Variants in LPP observed in about 807,000 individuals in gnomAD.
LPP encodes the protein lipoma-preferred partner.
In LPP, 38 loss-of-function variants were observed where a neutral mutation model predicts 60.4. The ratio of observed to expected loss-of-function variants is 0.63; its 90% CI spans 0.49 to 0.83. The LOEUF is 0.83. Among genes scored for constraint, LPP ranks in the 40% least tolerant of loss-of-function variants. LPP has a pLI of 0.00. For missense variants in LPP, 902 were observed against 783.6 expected (o/e 1.15, Z -1.80); for synonymous variants, 328 against 290.8 (o/e 1.13, Z -1.30).
chr3:188,158,748 A>C (rs1717284844), intron 1 of LPP, among the ~76,000 whole-genome samples: 1 of 152,216 alleles, frequency 6.6e-6, no homozygotes, highest in Non-Finnish European at 1.5e-5. Flanking sequence ...TTACACAACT[A>C]CCAGGAGGCA....
intron 1 of LPP, among the ~76,000 whole-genome samples, chr3:188,171,888 C>T (rs760597476): frequency 6.6e-6 from 1 of 152,174 alleles, no homozygotes; most frequent in East Asian, 1.9e-4. Flanking sequence ...ACTCTCTACC[C>T]GAACTGACAC....
At chr3:188,416,690 A>G in intron 4 of LPP, among the ~76,000 whole-genome samples, 1 of 152,156 alleles carries the variant, frequency 6.6e-6, no homozygotes, top group East Asian at 1.9e-4. Context: ...ATAGACACCA[A>G]TCGTTTGCAT....
chr3:188,170,329 C>CTTTTTTTTTTTTTTTT (rs34760455), intron 1 of LPP, among the ~76,000 whole-genome samples: 2 of 96,444 alleles, frequency 2.1e-5, no homozygotes, highest in African/African-American at 4.1e-5. Context: ...CTTTTCTTTT[C>CTTTTTTTTTTTTTTTT]TTTTTTTTTT....
intron 4 of LPP, among the ~76,000 whole-genome samples, chr3:188,423,501 G>C (rs1034640719): frequency 1.3e-5 from 2 of 152,126 alleles, no homozygotes; most frequent in African/African-American, 2.4e-5. Context: ...TCTTGTTCTA[G>C]ATCCTTGAGG....
In LPP at chr3:188,285,239, A is replaced by C. The variant is rs144618367; in HGVS notation, c.-66-56424A>C. On this transcript the variant is annotated intron_variant, in intron 2 of 11. Coordinates refer to ENST00000617246, the MANE Select transcript of LPP (RefSeq NM_001375462.1). ...TTGTTGGTCGTAGGATAATAAAGAT[A>C]AAGGGGTATACAGACTTGGATTCTG... Among the ~76,000 whole-genome samples the C allele has an allele frequency of 4.5e-3, 687 of 152,290 alleles. 7 individuals carry two copies. The highest frequency in any genetic ancestry group is 0.015 in the African/African-American group (641 of 41,572).
At chr3:188,826,958 T>C (rs1448480467) in intron 9 of LPP, among the ~76,000 whole-genome samples, 1 of 152,154 alleles carries the variant, frequency 6.6e-6, no homozygotes, top group East Asian at 1.9e-4. Flanking sequence ...CCTCCCACAC[T>C]GTACTGTTAA....
chr3:188,816,861 C>T (rs1001879544), intron 9 of LPP, among the ~76,000 whole-genome samples: 3 of 152,230 alleles, frequency 2.0e-5, no homozygotes, highest in East Asian at 1.9e-4. Context: ...TGCTAAGCAC[C>T]GAATAGGAAT....
At chr3:188,356,256 G>A (rs958677423) in intron 3 of LPP, among the ~76,000 whole-genome samples, 2 of 152,148 alleles carry the variant, frequency 1.3e-5, no homozygotes, top group African/African-American at 2.4e-5. Context: ...TATTATATAT[G>A]TGGAAAAGGG....
chr3:188,237,635 T>A (rs1287844725), intron 2 of LPP, among the ~76,000 whole-genome samples: 1 of 152,150 alleles, frequency 6.6e-6, no homozygotes, highest in African/African-American at 2.4e-5. Flanking sequence ...TGTGACCAGG[T>A]ATGAGAAGAA....
intron 5 of LPP, among the ~76,000 whole-genome samples, chr3:188,500,496 AT>A (rs1811512797): frequency 6.6e-6 from 1 of 152,046 alleles, no homozygotes; most frequent in Non-Finnish European, 1.5e-5. Context: ...TTGATTGAGG[AT>A]TTTGCATCAA....
chr3:188,804,806 C>A (rs908297947), intron 9 of LPP, among the ~76,000 whole-genome samples: 3 of 151,942 alleles, frequency 2.0e-5, no homozygotes, highest in Non-Finnish European at 4.4e-5. Context: ...AGTCTTTTGC[C>A]ATTAAGTGTA....
intron 9 of LPP, among the ~76,000 whole-genome samples, chr3:188,820,188 G>A (rs895527562): frequency 5.3e-5 from 8 of 152,030 alleles, no homozygotes; most frequent in African/African-American, 1.9e-4. Context: ...TTGCTTATGT[G>A]CTAAAAGTCA....
rs758492053 is a variant in LPP at position 188,708,374 on chromosome 3, A to T, written c.1221A>T (p.Pro407=). ...AGATGCTGTATGACATGGAAAATCCACCTGCTGACGAATACTTTGGTGAGT... is the reference window on the plus strand; with the variant it reads ...AGATGCTGTATGACATGGAAAATCCTCCTGCTGACGAATACTTTGGTGAGT... ...TKKMLYDMEN[P]PADEYFGRCA... The change falls in exon 8 of 12, where the codon CCA becomes CCT. Residue 407 remains proline, a synonymous_variant. Transcript: ENST00000617246. 3 of 1,614,092 alleles carry T rather than the reference A, an allele frequency of 1.9e-6. No homozygotes were observed. The highest frequency in any genetic ancestry group is 2.2e-5 in the South Asian group (2 of 91,070).
chr3:188,755,862 A>C (rs1730049742), intron 8 of LPP, among the ~76,000 whole-genome samples: 4 of 121,306 alleles, frequency 3.3e-5, no homozygotes, highest in Non-Finnish European at 6.9e-5. Flanking sequence ...AAAAAAAAAA[A>C]AAACAAAGAA....
intron 4 of LPP, among the ~76,000 whole-genome samples, chr3:188,448,345 GCAAA>G (rs1341390531): frequency 1.0e-4 from 1 of 9,698 alleles, no homozygotes; most frequent in African/African-American, 2.2e-4. Context: ...GATGACTCGT[GCAAA>G]AGCTAACACA....
At chr3:188,171,183 C>T (rs1192270001) in intron 1 of LPP, among the ~76,000 whole-genome samples, 3 of 152,158 alleles carry the variant, frequency 2.0e-5, no homozygotes, top group African/African-American at 4.8e-5. Context: ...TGAATGTTTA[C>T]TAAGTCAACA....
At chr3:188,421,557 A>G (rs1250466621) in intron 4 of LPP, among the ~76,000 whole-genome samples, 2 of 152,184 alleles carry the variant, frequency 1.3e-5, no homozygotes, top group Non-Finnish European at 2.9e-5. Context: ...TCTCTTCAGA[A>G]AATACCCCAT....
At chr3:188,756,106 G>A (rs1267086745) in intron 8 of LPP, among the ~76,000 whole-genome samples, 2 of 152,284 alleles carry the variant, frequency 1.3e-5, no homozygotes, top group East Asian at 1.9e-4. Flanking sequence ...AGGGTGATTA[G>A]GTAGTAGGCA....
chr3:188,194,994 C>T (rs995745530), intron 1 of LPP, among the ~76,000 whole-genome samples: 5 of 152,292 alleles, frequency 3.3e-5, no homozygotes, highest in African/African-American at 9.6e-5. Flanking sequence ...CGCGGTGGCT[C>T]ACGCCTGTAA....
Sources: gnomAD v4.1 joint callset for allele counts (sites outside exome capture counted in the v4.1 genomes callset) on GRCh38, gnomAD v4.1.1 for gene constraint, MANE v1.5 for transcripts, NCBI Gene and HGNC (gene_info 2026-07-23, HGNC 2026-07-21) for gene names.